The following USP16 variants were observed in gnomAD, a reference collection of about 807,000 sequenced individuals.
USP16 encodes ubiquitin specific peptidase 16.
In USP16, 77 loss-of-function variants were observed where a neutral mutation model predicts 95.9. The ratio of observed to expected loss-of-function variants is 0.80; its 90% CI spans 0.67 to 0.97. The LOEUF is 0.97. Ranked by LOEUF, USP16 falls within the 50% of genes least tolerant of loss-of-function variation. The pLI is 0.00. For missense variants in USP16, 943 were observed against 959.9 expected (o/e 0.98, Z 0.23); for synonymous variants, 303 against 318.2 (o/e 0.95, Z 0.51).
intron 2 of USP16, among the ~76,000 whole-genome samples, chr21:29,030,384 A>T (rs2085059946): frequency 6.6e-6 from 1 of 152,218 alleles, no homozygotes; most frequent in Non-Finnish European, 1.5e-5. Flanking sequence ...GGACTTCAAG[A>T]AAGCGAAACT....
In USP16 at chr21:29,046,800, A is replaced by G. The variant is rs756054777; in HGVS notation, c.1490A>G (p.His497Arg). 47 of 1,614,038 alleles carry G rather than the reference A, an allele frequency of 2.9e-5. 2 individuals carry two copies. In the South Asian group the frequency reaches 4.5e-4, roughly 15 times the overall value. Residue 497 changes from histidine to arginine, a missense_variant, in exon 14 of 18, where the codon CAT (histidine) becomes CGT (arginine). Coordinates refer to ENST00000399976, the MANE Select transcript of USP16 (RefSeq NM_006447.3). ...GGAGAAGTAAATATTAAATCCAACC[A>G]TATTTCACAAGAGGGTGTTATGCAT... ...LQGEVNIKSN[H>R]ISQEGVMHKE...
Position 29,048,544 on chromosome 21 carries a change from T to C in USP16, c.2012-217T>C, listed in dbSNP as rs140357951. Among the ~76,000 whole-genome samples, 329 of 152,322 alleles carry C rather than the reference T, an allele frequency of 2.2e-3. 1 individual carries two copies. The highest frequency in any genetic ancestry group is 7.6e-3 in the African/African-American group (318 of 41,578). On this transcript the variant is annotated intron_variant, in intron 14 of 17. Coordinates refer to ENST00000399976, the MANE Select transcript of USP16 (RefSeq NM_006447.3). ...TATTACTGTATTTTGATTTCATCAG[T>C]AAGAATTTATGGACATTTTAATCTC...
Position 29,024,708 on chromosome 21 carries a change from A to G in USP16, c.-111A>G. The G allele has an allele frequency of 1.6e-6, 2 of 1,289,232 alleles. No individual in the cohort carries two copies. The highest frequency in any genetic ancestry group is 2.5e-5 in the South Asian group (2 of 81,028). The allele number at this position is 1,289,232 out of a possible 1,614,324, so 79.9% of individuals were successfully genotyped here. A position where few individuals can be genotyped will look rare whatever the true frequency, so the allele number is the denominator to read the frequency against. ...CCGTCGCTCTCAATTCGTCACCAGG[A>G]GGAAGACGGAGCTGGCTGCCCAGCC... On this transcript the variant is annotated 5_prime_UTR_variant, in exon 1 of 18. Transcript: ENST00000399976.
At chr21:29,037,579 C>CTTTTTTT (rs71189336) in intron 6 of USP16, 116 bp downstream of exon 6, 4 of 171,646 alleles carry the variant, frequency 2.3e-5, no homozygotes, top group East Asian at 1.6e-4. Flanking sequence ...CCAAAGAAAA[C>CTTTTTTT]TTTTTTTTTT....
intron 15 of USP16, among the ~76,000 whole-genome samples, chr21:29,049,227 G>C (rs895245039): frequency 2.0e-5 from 3 of 152,166 alleles, no homozygotes; most frequent in African/African-American, 7.2e-5. Context: ...TTGATAAAAA[G>C]ACATTGGTGC....
At chr21:29,047,421 T>A (rs2085344076) in intron 14 of USP16, 100 bp downstream of exon 14, 2 of 1,273,612 alleles carry the variant, frequency 1.6e-6, no homozygotes, top group Admixed American at 2.7e-5. Context: ...TTGGATGGCA[T>A]GAATAAGTGT....
chr21:29,053,632 G>C (rs1302751949), intron 16 of USP16, 170 bp from the exon 17 acceptor site: 2 of 586,248 alleles, frequency 3.4e-6, no homozygotes, highest in African/African-American at 3.7e-5. Context: ...AATAAAAACA[G>C]AAGTGTCTCA....
rs149208010 is a variant in USP16 at position 29,028,841 on chromosome 21, T to C, written c.61+867T>C. Reference sequence around the variant, plus strand: ...CTACTGTTACAGATTTAGGTAATCTTTAACTTTTTAGTATTATGAATGGCT... The same window carrying C: ...CTACTGTTACAGATTTAGGTAATCTCTAACTTTTTAGTATTATGAATGGCT... On this transcript the variant is annotated intron_variant, in intron 2 of 17. Transcript: ENST00000399976. Among the ~76,000 whole-genome samples, 1,101 of 152,366 alleles carry C rather than the reference T, an allele frequency of 7.2e-3. 12 individuals carry two copies. The highest frequency in any genetic ancestry group is 0.025 in the African/African-American group (1,043 of 41,592).
chr21:29,034,267 G>T (rs973169670), intron 3 of USP16, among the ~76,000 whole-genome samples: 6 of 151,480 alleles, frequency 4.0e-5, no homozygotes, highest in Non-Finnish European at 7.4e-5. Flanking sequence ...GGGCTGGAAA[G>T]TTGGACAAGA....
intron 1 of USP16, among the ~76,000 whole-genome samples, chr21:29,027,309 C>T (rs1056051015): frequency 2.0e-5 from 3 of 152,274 alleles, no homozygotes; most frequent in South Asian, 2.1e-4. Flanking sequence ...TTAGCTGATA[C>T]GCATAGGAAA....
intron 3 of USP16, among the ~76,000 whole-genome samples, chr21:29,030,995 A>G: frequency 6.6e-6 from 1 of 152,204 alleles, no homozygotes; most frequent in Non-Finnish European, 1.5e-5. Context: ...GAGAAGTTGA[A>G]TGAAGAGGCA....
intron 13 of USP16, among the ~76,000 whole-genome samples, chr21:29,045,578 C>G (rs76722839): frequency 4.0e-5 from 6 of 148,890 alleles, no homozygotes; most frequent in Non-Finnish European, 5.9e-5. Flanking sequence ...TTTTTTTTCT[C>G]TCAGTGAAAC....
chr21:29,032,804 A>G lies in USP16; in HGVS notation c.240+2031A>G, dbSNP rs898486914. ...CCCAAGAGTGCAATTGCTGGGTCCT[A>G]TGGCAATTTAATGTTTAGTTTTTTA... is the stretch of plus-strand genomic sequence containing the variant. On this transcript the variant is annotated intron_variant, in intron 3 of 17. Coordinates refer to ENST00000399976, the MANE Select transcript of USP16 (RefSeq NM_006447.3). Among the ~76,000 whole-genome samples the G allele has an allele frequency of 1.7e-4, 26 of 152,146 alleles. 1 individual carries two copies. The highest frequency in any genetic ancestry group is 6.5e-5 in the Admixed American group (1 of 15,276).
At position 29,042,459 on chromosome 21, in the gene USP16, C is replaced by T. The variant is rs766905054; in HGVS notation, c.1123-13C>T. The T allele has an allele frequency of 1.9e-6, 3 of 1,600,940 alleles. No individual in the cohort carries two copies. The highest frequency in any genetic ancestry group is 1.1e-5 in the South Asian group (1 of 88,576). ...TATTTACATTTTTACACTGTCTTTT[C>T]TGATTGGTTAAGGTCTCCTTGGTTC... On this transcript the variant is annotated splice_polypyrimidine_tract_variant and intron_variant, in intron 11 of 17. Coordinates refer to ENST00000399976, the MANE Select transcript of USP16 (RefSeq NM_006447.3).
chr21:29,048,707 C>T (rs1323168577), intron 14 of USP16, 54 bp from the exon 15 acceptor site: 4 of 1,381,288 alleles, frequency 2.9e-6, no homozygotes, highest in South Asian at 1.2e-5. Flanking sequence ...AATCTGAATG[C>T]TTTAGGGGTC....
chr21:29,029,935 G>A (rs1190541984), intron 2 of USP16, among the ~76,000 whole-genome samples: 1 of 152,108 alleles, frequency 6.6e-6, no homozygotes, highest in Non-Finnish European at 1.5e-5. Flanking sequence ...AGGATTAAAT[G>A]GGATAATGTA....
At chr21:29,031,659 A>G (rs1367684427) in intron 3 of USP16, among the ~76,000 whole-genome samples, 2 of 152,230 alleles carry the variant, frequency 1.3e-5, no homozygotes, top group Non-Finnish European at 2.9e-5. Flanking sequence ...GCTGGTCTCA[A>G]ACTCCTGATT....
chr21:29,026,536 C>CA, intron 1 of USP16: 1 of 101,080 alleles, frequency 9.9e-6, no homozygotes, highest in Non-Finnish European at 2.0e-5. Context: ...CTGCATTTTA[C>CA]CTTTTTTTTT....
chr21:29,027,474 A>G (rs1490427165), intron 1 of USP16, among the ~76,000 whole-genome samples: 1 of 152,274 alleles, frequency 6.6e-6, no homozygotes, highest in East Asian at 1.9e-4. Flanking sequence ...CTGCAGAGCT[A>G]AGAAAGGTAG....
Sources: gnomAD v4.1 joint callset for allele counts (sites outside exome capture counted in the v4.1 genomes callset) on GRCh38, gnomAD v4.1.1 for gene constraint, MANE v1.5 for transcripts, NCBI Gene and HGNC (gene_info 2026-07-23, HGNC 2026-07-21) for gene names.